Variants in CCDC148 observed in about 807,000 individuals in gnomAD.
CCDC148 encodes coiled-coil domain-containing protein 148.
In CCDC148, 89 loss-of-function variants were observed where a neutral mutation model predicts 85.7. The ratio of observed to expected loss-of-function variants is 1.04; its 90% CI spans 0.87 to 1.24. The LOEUF (loss-of-function observed/expected upper bound fraction) is 1.24, where lower values mean the gene tolerates loss of function less well. Ranked by LOEUF, CCDC148 falls within the 50% of genes most tolerant of loss-of-function variation. CCDC148 has a pLI of 0.00. For synonymous variants in CCDC148, 230 were observed against 213.9 expected (o/e 1.08, Z -0.66); for missense variants, 692 against 671.7 (o/e 1.03, Z -0.33).
chr2:158,189,847 G>A (rs1276270741), intron 11 of CCDC148, among the ~76,000 whole-genome samples: 1 of 151,856 alleles, frequency 6.6e-6, no homozygotes, highest in Non-Finnish European at 1.5e-5. Context: ...TTAATCTCCT[G>A]TGTATCCCCA....
chr2:158,345,185 C>T (rs935410930), intron 3 of CCDC148, 30 bp downstream of exon 3: 21 of 1,445,176 alleles, frequency 1.5e-5, no homozygotes, highest in Middle Eastern at 1.7e-4. Flanking sequence ...GTAATTCCTA[C>T]GTGTTCTTAC....
At chr2:158,218,240 T>C (rs1686993044) in intron 11 of CCDC148, among the ~76,000 whole-genome samples, 2 of 152,190 alleles carry the variant, frequency 1.3e-5, no homozygotes, top group African/African-American at 4.8e-5. Context: ...GTGGATCAAC[T>C]CTGTCCTCAG....
At chr2:158,387,054 C>A (rs572321607) in intron 1 of CCDC148, among the ~76,000 whole-genome samples, 1 of 152,198 alleles carries the variant, frequency 6.6e-6, no homozygotes, top group South Asian at 2.1e-4. Flanking sequence ...CTTTTGAAAC[C>A]TTTCTTTGAA....
intron 1 of CCDC148, among the ~76,000 whole-genome samples, chr2:158,415,027 C>T (rs190959641): frequency 6.6e-6 from 1 of 151,988 alleles, no homozygotes; most frequent in East Asian, 1.9e-4. Context: ...GTATTACTTA[C>T]CAAACTCAAG....
At chr2:158,268,164 T>A (rs963444942) in intron 9 of CCDC148, among the ~76,000 whole-genome samples, 1 of 152,166 alleles carries the variant, frequency 6.6e-6, no homozygotes, top group Admixed American at 6.6e-5. Context: ...TGCCAAACTG[T>A]TTTTCCAAAA....
intron 11 of CCDC148, among the ~76,000 whole-genome samples, chr2:158,209,502 T>A (rs536523978): frequency 6.6e-6 from 1 of 152,310 alleles, no homozygotes; most frequent in South Asian, 2.1e-4. Context: ...CAGCATCCTT[T>A]GCTGCTGTGG....
intron 11 of CCDC148, among the ~76,000 whole-genome samples, chr2:158,210,869 G>T (rs554515575): frequency 4.2e-4 from 62 of 148,620 alleles, no homozygotes; most frequent in African/African-American, 1.4e-3. Flanking sequence ...TGAGACAGGA[G>T]AATGGCGTGA....
chr2:158,224,652 C>A (rs985361429), intron 10 of CCDC148, among the ~76,000 whole-genome samples: 2 of 152,208 alleles, frequency 1.3e-5, no homozygotes, highest in Admixed American at 1.3e-4. Flanking sequence ...CAATATTCAA[C>A]ATTCTTAAAG....
At chr2:158,223,303 T>C (rs1322453510) in intron 10 of CCDC148, among the ~76,000 whole-genome samples, 6 of 152,014 alleles carry the variant, frequency 3.9e-5, no homozygotes, top group Non-Finnish European at 8.8e-5. Context: ...CTTGAGTAGG[T>C]AAACAAAGCA....
At chr2:158,406,629 T>TTTTTGTTTTTTTTTTTG in intron 1 of CCDC148, among the ~76,000 whole-genome samples, 1 of 117,512 alleles carries the variant, frequency 8.5e-6, no homozygotes, top group Non-Finnish European at 1.8e-5. Flanking sequence ...TTTTTTTTTT[T>TTTTTGTTTTTTTTTTTG]TTTTTTTTTT....
intron 9 of CCDC148, among the ~76,000 whole-genome samples, chr2:158,303,214 T>C (rs1015459684): frequency 1.3e-4 from 20 of 152,210 alleles, no homozygotes; most frequent in Non-Finnish European, 1.5e-5. Flanking sequence ...AGCTGGCATA[T>C]TAGTTTTAGA....
chr2:158,300,316 A>G (rs1245525356), intron 9 of CCDC148, among the ~76,000 whole-genome samples: 1 of 152,206 alleles, frequency 6.6e-6, no homozygotes, highest in African/African-American at 2.4e-5. Context: ...CAGGTCCCAA[A>G]CACTGAAAAT....
intron 9 of CCDC148, among the ~76,000 whole-genome samples, chr2:158,273,132 T>C (rs1004128394): frequency 6.6e-6 from 1 of 152,078 alleles, no homozygotes; most frequent in African/African-American, 2.4e-5. Flanking sequence ...TGCTACAAAT[T>C]ATGATTTAGA....
intron 11 of CCDC148, among the ~76,000 whole-genome samples, chr2:158,188,574 C>T (rs1685264924): frequency 6.6e-6 from 1 of 151,774 alleles, no homozygotes; most frequent in Non-Finnish European, 1.5e-5. Context: ...CTACCTCTCA[C>T]CATATATAAA....
At chr2:158,202,102 C>G (rs1465282595) in intron 11 of CCDC148, among the ~76,000 whole-genome samples, 4 of 152,108 alleles carry the variant, frequency 2.6e-5, no homozygotes, top group Non-Finnish European at 5.9e-5. Context: ...ATAACTCTTC[C>G]TTTGCTTGAA....
At chr2:158,286,937 A>T (rs932889566) in intron 9 of CCDC148, among the ~76,000 whole-genome samples, 1 of 152,174 alleles carries the variant, frequency 6.6e-6, no homozygotes, top group Admixed American at 6.5e-5. Flanking sequence ...GCTGCTGATA[A>T]AGGTATACCC....
chr2:158,203,423 G>A (rs1266638373), intron 11 of CCDC148, among the ~76,000 whole-genome samples: 1 of 152,056 alleles, frequency 6.6e-6, no homozygotes, highest in African/African-American at 2.4e-5. Flanking sequence ...TCATCACGGT[G>A]GTGTCCTCTG....
chr2:158,319,309 T>C (rs1559067511), intron 7 of CCDC148, among the ~76,000 whole-genome samples: 1 of 152,168 alleles, frequency 6.6e-6, no homozygotes, highest in Non-Finnish European at 1.5e-5. Flanking sequence ...TGGATTGATT[T>C]TCAGCTATTC....
At chr2:158,221,885 G>GGAGA (rs147337167) in intron 10 of CCDC148, among the ~76,000 whole-genome samples, 1 of 150,140 alleles carries the variant, frequency 6.7e-6, no homozygotes, top group Non-Finnish European at 1.5e-5. Context: ...CACCCAAGAT[G>GGAGA]GAGAGAGAGA....
Sources: gnomAD v4.1 joint callset for allele counts (sites outside exome capture counted in the v4.1 genomes callset) on GRCh38, gnomAD v4.1.1 for gene constraint, MANE v1.5 for transcripts, NCBI Gene and HGNC (gene_info 2026-07-23, HGNC 2026-07-21) for gene names.